The following PRH1 variants were observed in gnomAD, a reference collection of about 807,000 sequenced individuals.
PRH1 encodes the protein proline rich protein HaeIII subfamily 1.
PRH1 carries 7 observed loss-of-function variants against 7.9 expected under a neutral mutation model. The observed-to-expected ratio is 0.89, with a 90% CI of 0.50 to 1.67. PRH1 has a LOEUF of 1.67. PRH1 is among the 40% of genes most tolerant of loss of function. The probability of loss-of-function intolerance (pLI) is 0.00; values close to 1 mark genes in which losing one functional copy is unlikely to be tolerated. For missense variants in PRH1, 109 were observed against 223.6 expected, an observed-to-expected ratio of 0.49 and a Z score of 3.27; for synonymous variants, 45 against 80.8, an observed-to-expected ratio of 0.56 and a Z score of 2.38.
chr12:10,986,696 T>A (rs1939651820), intron 1 of PRH1: 1 of 1,612,506 alleles, frequency 6.2e-7, no homozygotes, highest in Non-Finnish European at 8.5e-7. Flanking sequence ...GCAAACCAAT[T>A]CTGGAGACCG....
chr12:10,938,165 A>T, intron 2 of PRH1: 1 of 906,676 alleles, frequency 1.1e-6, no homozygotes, highest in Admixed American at 3.0e-5. Context: ...TAAAATTCAC[A>T]AAGTTATACA....
chr12:11,149,299 T>A (rs1348611815), intron 1 of PRH1, among the ~76,000 whole-genome samples: 1 of 152,246 alleles, frequency 6.6e-6, no homozygotes. Flanking sequence ...AGTTCTGCTC[T>A]GATTTTAGTT....
intron 1 of PRH1, among the ~76,000 whole-genome samples, chr12:11,064,947 G>C (rs1365409673): frequency 1.3e-5 from 2 of 151,970 alleles, no homozygotes; most frequent in Non-Finnish European, 2.9e-5. Context: ...TGAGGTGGGA[G>C]GATGGTTTGA....
At chr12:10,986,930 C>T in intron 1 of PRH1, 4 of 1,131,620 alleles carry the variant, frequency 3.5e-6, no homozygotes, top group Non-Finnish European at 4.9e-6. Context: ...AATACTCTGA[C>T]CTTAAATTTT....
At chr12:11,094,316 A>AAAAAAAAAAAAAAG (rs1945022902) in intron 1 of PRH1, among the ~76,000 whole-genome samples, 2 of 109,800 alleles carry the variant, frequency 1.8e-5, no homozygotes, top group South Asian at 2.5e-4. Context: ...AAAAAAAAAA[A>AAAAAAAAAAAAAAG]AAAAAAAAAC....
chr12:10,956,986 C>T (rs1591725975), intron 2 of PRH1, among the ~76,000 whole-genome samples: 1 of 151,910 alleles, frequency 6.6e-6, no homozygotes. Flanking sequence ...GCCCATACTG[C>T]CCAAACCAAT....
chr12:11,015,979 T>C (rs73254827), intron 1 of PRH1, among the ~76,000 whole-genome samples: 6,473 of 81,022 alleles, frequency 0.08, 102 homozygotes, highest in East Asian at 0.12. Context: ...CTTCTGAGAA[T>C]TGACAGTCAA....
intron 2 of PRH1, among the ~76,000 whole-genome samples, chr12:10,914,716 T>C (rs1949948784): frequency 6.6e-6 from 1 of 152,146 alleles, no homozygotes; most frequent in Non-Finnish European, 1.5e-5. Context: ...TTTATACTAC[T>C]TTGCAAGCAG....
At chr12:11,140,853 G>T (rs1027793773) in intron 1 of PRH1, among the ~76,000 whole-genome samples, 5 of 152,070 alleles carry the variant, frequency 3.3e-5, no homozygotes, top group African/African-American at 9.7e-5. Flanking sequence ...GGAGCTTGAG[G>T]ATAGCTAGGA....
intron 2 of PRH1, chr12:10,896,777 G>T (rs1226483719): frequency 9.5e-6 from 1 of 105,224 alleles, no homozygotes; most frequent in Admixed American, 1.0e-4. Flanking sequence ...AAAAAAAAAA[G>T]AGAGAGAGAG....
chr12:10,941,174 A>G (rs1950393814), intron 2 of PRH1, among the ~76,000 whole-genome samples: 1 of 152,148 alleles, frequency 6.6e-6, no homozygotes, highest in African/African-American at 2.4e-5. Flanking sequence ...GACTTCATGG[A>G]TACTTTGAAA....
chr12:11,073,213 A>G (rs374473212), intron 1 of PRH1, among the ~76,000 whole-genome samples: 5,238 of 47,240 alleles, frequency 0.11, 606 homozygotes, highest in Non-Finnish European at 0.17. Flanking sequence ...CTCACTGCAA[A>G]CTTCGCCTCC....
chr12:11,161,051 G>A (rs1247254027), intron 1 of PRH1, among the ~76,000 whole-genome samples: 1 of 152,134 alleles, frequency 6.6e-6, no homozygotes, highest in Non-Finnish European at 1.5e-5. Context: ...ACAATGTAAT[G>A]TGAGTGGAAA....
At chr12:10,898,123 AT>A (rs1051183605) in intron 2 of PRH1, among the ~76,000 whole-genome samples, 50 of 152,014 alleles carry the variant, frequency 3.3e-4, no homozygotes, top group African/African-American at 1.2e-3. Context: ...ATTTTCTATA[AT>A]TTTTTCATAC....
chr12:10,976,655 T>C (rs754780196), intron 1 of PRH1, among the ~76,000 whole-genome samples: 52 of 148,238 alleles, frequency 3.5e-4, no homozygotes, highest in Non-Finnish European at 6.6e-4. Flanking sequence ...TAAATTAAGA[T>C]AGATAGAACA....
In PRH1 at chr12:11,170,419, C is replaced by G. The variant is rs534431149; in HGVS notation, n.39+1003G>C. On this transcript the variant is annotated intron_variant and non_coding_transcript_variant, in intron 1 of 1. Coordinates refer to the PRH1 transcript ENST00000541175. ...AAAATTAGCCGGGCATGGTGGCGGG[C>G]GCCTGTAGTCCCAGCTACTCAGGAG... Among the ~76,000 whole-genome samples the G allele has an allele frequency of 2.0e-5, 3 of 152,208 alleles. 1 individual carries two copies. The South Asian group carries it at 6.2e-4, about 32-fold the overall frequency.
intron 1 of PRH1, among the ~76,000 whole-genome samples, chr12:11,107,609 C>G (rs1020320920): frequency 2.0e-5 from 3 of 151,652 alleles, no homozygotes; most frequent in Non-Finnish European, 2.9e-5. Flanking sequence ...TAAAAAATAA[C>G]AAATTTGGAG....
intron 2 of PRH1, chr12:10,973,584 C>A: frequency 2.7e-6 from 2 of 734,924 alleles, no homozygotes; most frequent in South Asian, 2.9e-5. Flanking sequence ...TTTCACCTGT[C>A]TGATACAGGC....
intron 1 of PRH1, among the ~76,000 whole-genome samples, chr12:11,122,176 C>T (rs1478952383): frequency 6.6e-6 from 1 of 152,176 alleles, no homozygotes; most frequent in African/African-American, 2.4e-5. Flanking sequence ...AGATGGCTTC[C>T]ACATTGGAGT....
Sources: gnomAD v4.1 joint callset for allele counts (sites outside exome capture counted in the v4.1 genomes callset) on GRCh38, gnomAD v4.1.1 for gene constraint, MANE v1.5 for transcripts, NCBI Gene and HGNC (gene_info 2026-07-23, HGNC 2026-07-21) for gene names.